PTK2B: variants seen among roughly 807,000 people sequenced by gnomAD.
PTK2B encodes the protein protein-tyrosine kinase 2-beta.
A neutral mutation model predicts 142.9 loss-of-function variants in PTK2B; 71 were observed. That is an observed-to-expected ratio of 0.50 (90% CI 0.41 to 0.61). The LOEUF is 0.61. PTK2B is among the 20% of genes least tolerant of loss of function. The probability of loss-of-function intolerance (pLI) is 0.00; values close to 1 mark genes in which losing one functional copy is unlikely to be tolerated. For synonymous variants in PTK2B, 519 were observed against 503.4 expected, an observed-to-expected ratio of 1.03 and a Z score of -0.42; for missense variants, 1,105 against 1,320.4, an observed-to-expected ratio of 0.84 and a Z score of 2.53.
chr8:27,431,538 C>T, intron 9 of PTK2B, 66 bp downstream of exon 9: 1 of 1,590,274 alleles, frequency 6.3e-7, no homozygotes, highest in Non-Finnish European at 8.6e-7. Context: ...CTGCTGCCTC[C>T]CGCCCTGTCT....
chr8:27,447,111 C>T (rs1362920179), intron 24 of PTK2B, among the ~76,000 whole-genome samples: 1 of 152,172 alleles, frequency 6.6e-6, no homozygotes, highest in African/African-American at 2.4e-5. Context: ...CTATTTTGCA[C>T]ATTTGAGGGG....
chr8:27,347,932 G>T (rs1017290060), intron 1 of PTK2B, among the ~76,000 whole-genome samples: 1 of 152,164 alleles, frequency 6.6e-6, no homozygotes, highest in Non-Finnish European at 1.5e-5. Flanking sequence ...TGCCAAGCAG[G>T]TGTCCAGTCT....
At chr8:27,408,299 G>T (rs1017415459) in intron 2 of PTK2B, among the ~76,000 whole-genome samples, 1 of 152,202 alleles carries the variant, frequency 6.6e-6, no homozygotes, top group Non-Finnish European at 1.5e-5. Context: ...TGGACTATAG[G>T]TCATAAGGCC....
chr8:27,380,773 T>C (rs1806965337), intron 1 of PTK2B: 1 of 152,160 alleles, frequency 6.6e-6, no homozygotes, highest in Non-Finnish European at 1.5e-5. Flanking sequence ...TGGGTCCCAG[T>C]GGAGAGGCCT....
intron 1 of PTK2B, among the ~76,000 whole-genome samples, chr8:27,395,467 C>G (rs1196181897): frequency 6.6e-6 from 1 of 152,188 alleles, no homozygotes; most frequent in Non-Finnish European, 1.5e-5. Context: ...TAGGGAAAGG[C>G]ATGCTTTTCT....
At chr8:27,339,990 C>T (rs1406847677) in intron 1 of PTK2B, among the ~76,000 whole-genome samples, 6 of 152,186 alleles carry the variant, frequency 3.9e-5, no homozygotes, top group African/African-American at 2.4e-5. Context: ...GTTTTCCTTT[C>T]GGCTTTAAAC....
At chr8:27,431,497 C>T (rs1220758165) in intron 9 of PTK2B, 25 bp downstream of exon 9, 2 of 1,613,144 alleles carry the variant, frequency 1.2e-6, no homozygotes, top group East Asian at 2.2e-5. Context: ...GGCAGCCCCA[C>T]CCAGCCCCAG....
At chr8:27,381,201 C>T (rs1034441108) in intron 1 of PTK2B, among the ~76,000 whole-genome samples, 8 of 152,032 alleles carry the variant, frequency 5.3e-5, no homozygotes, top group Non-Finnish European at 1.0e-4. Flanking sequence ...TGGGAATATC[C>T]AGAATCCTCT....
chr8:27,333,997 C>T (rs1803911348), intron 1 of PTK2B, among the ~76,000 whole-genome samples: 1 of 152,126 alleles, frequency 6.6e-6, no homozygotes, highest in Non-Finnish European at 1.5e-5. Flanking sequence ...CTCTCCTCTT[C>T]ATGGGGTTGT....
At chr8:27,409,671 T>C (rs547850794) in intron 2 of PTK2B, among the ~76,000 whole-genome samples, 2 of 152,340 alleles carry the variant, frequency 1.3e-5, no homozygotes, top group East Asian at 1.9e-4. Flanking sequence ...ATCACCTGCA[T>C]TGATTTTGTC....
At chr8:27,432,192 A>G (rs1563282009) in intron 9 of PTK2B, 68 bp from the exon 10 acceptor site, 8 of 1,456,226 alleles carry the variant, frequency 5.5e-6, no homozygotes, top group African/African-American at 2.8e-5. Context: ...GCTCCCCCAT[A>G]CTGACCAATC....
At chr8:27,376,347 A>G (rs1456337657) in intron 1 of PTK2B, among the ~76,000 whole-genome samples, 1 of 152,200 alleles carries the variant, frequency 6.6e-6, no homozygotes, top group African/African-American at 2.4e-5. Context: ...GTCCAAATTG[A>G]TTCCTGTGGG....
At chr8:27,345,794 T>A (rs1458347297) in intron 1 of PTK2B, among the ~76,000 whole-genome samples, 1 of 151,522 alleles carries the variant, frequency 6.6e-6, no homozygotes, top group African/African-American at 2.4e-5. Context: ...GGAAGGCGAG[T>A]CAGGTGAAAA....
At chr8:27,432,805 A>G (rs889790047) in intron 10 of PTK2B, among the ~76,000 whole-genome samples, 5 of 151,430 alleles carry the variant, frequency 3.3e-5, no homozygotes, top group African/African-American at 2.4e-5. Flanking sequence ...GCCCTGCCCC[A>G]TTGCCTCCCC....
At chr8:27,355,747 C>T (rs904169828) in intron 1 of PTK2B, among the ~76,000 whole-genome samples, 14 of 152,112 alleles carry the variant, frequency 9.2e-5, no homozygotes, top group African/African-American at 1.7e-4. Flanking sequence ...TTTGAGGCTA[C>T]GCATGGTGGC....
intron 1 of PTK2B, among the ~76,000 whole-genome samples, chr8:27,383,506 A>G (rs1451087850): frequency 6.6e-6 from 1 of 152,028 alleles, no homozygotes; most frequent in Admixed American, 6.5e-5. Context: ...TGATCTGCCC[A>G]CCTTGACCTC....
chr8:27,429,991 C>T (rs1222636885), intron 5 of PTK2B, 102 bp from the exon 6 acceptor site: 4 of 1,044,268 alleles, frequency 3.8e-6, no homozygotes, highest in Non-Finnish European at 6.0e-6. Context: ...ATGATTCCCA[C>T]GTATGGCAGG....
At chr8:27,424,306 G>A (rs1176147801) in intron 5 of PTK2B, among the ~76,000 whole-genome samples, 1 of 152,010 alleles carries the variant, frequency 6.6e-6, no homozygotes, top group Non-Finnish European at 1.5e-5. Context: ...TATTACTGGT[G>A]GTGGCCTAAG....
At position 27,458,336 on chromosome 8, in the gene PTK2B, C is replaced by G. The variant is rs1429154434; in HGVS notation, c.2857C>G (p.Leu953Val). Residue 953 changes from leucine to valine, a missense_variant, in exon 31 of 31, where the codon CTC becomes GTC. By Grantham distance (32) the Leu-to-Val change is conservative. Transcript: ENST00000346049. ...QKLLNKDLAE[L>V]INKMRLAQQN... ...ACTGCTCAACAAAGACCTGGCAGAGCTCATCAACAAGATGCGGCTGGCACA... is the reference window on the plus strand; with the variant it reads ...ACTGCTCAACAAAGACCTGGCAGAGGTCATCAACAAGATGCGGCTGGCACA... The G allele has an allele frequency of 1.2e-6, 2 of 1,614,168 alleles. No homozygotes were observed. Among genetic ancestry groups the G allele is most frequent in the African/African-American group, 2.7e-5 (2 of 75,066 alleles).
Sources: gnomAD v4.1 joint callset for allele counts (sites outside exome capture counted in the v4.1 genomes callset) on GRCh38, gnomAD v4.1.1 for gene constraint, MANE v1.5 for transcripts, NCBI Gene and HGNC (gene_info 2026-07-23, HGNC 2026-07-21) for gene names.